Variants in DSCAM observed in about 807,000 individuals in gnomAD.
DSCAM encodes the protein cell adhesion molecule DSCAM.
A neutral mutation model predicts 217.7 loss-of-function variants in DSCAM; 47 were observed. That is an observed-to-expected ratio of 0.22 (90% CI 0.17 to 0.28). DSCAM has a LOEUF of 0.28. DSCAM is among the 10% of genes least tolerant of loss of function. DSCAM has a pLI of 1.00. For synonymous variants in DSCAM, 1,056 were observed against 1,015.3 expected, an observed-to-expected ratio of 1.04 and a Z score of -0.76; for missense variants, 2,080 against 2,618.3, an observed-to-expected ratio of 0.79 and a Z score of 4.49.
intron 20 of DSCAM, among the ~76,000 whole-genome samples, chr21:40,119,839 G>A (rs1023047046): frequency 2.6e-5 from 4 of 152,088 alleles, no homozygotes; most frequent in Admixed American, 2.0e-4. Context: ...TGAACACAGC[G>A]ATGAGTATCA....
intron 5 of DSCAM, among the ~76,000 whole-genome samples, chr21:40,351,200 T>C (rs957245016): frequency 1.3e-5 from 2 of 152,100 alleles, no homozygotes; most frequent in African/African-American, 4.8e-5. Context: ...CAGAGCTGAG[T>C]AACTGTGAGA....
rs1313771004 is a variant in DSCAM, at chr21:40,682,799, G to A, written c.508+10011C>T. Reference sequence around the variant, plus strand: ...GAGAGGGGAGGGGAGGGGAGGGAAGGGAAGGGAAGGGAAGGGAAGGGAAGG... The same window carrying A: ...GAGAGGGGAGGGGAGGGGAGGGAAGAGAAGGGAAGGGAAGGGAAGGGAAGG... On this transcript the variant is annotated intron_variant, in intron 3 of 32. Coordinates refer to ENST00000400454, the MANE Select transcript of DSCAM (RefSeq NM_001389.5). Among the ~76,000 whole-genome samples, 35 of 7,316 alleles carry A rather than the reference G, an allele frequency of 4.8e-3. 8 individuals carry two copies. The highest frequency in any genetic ancestry group is 0.012 in the South Asian group (1 of 82). The allele number at this position is 7,316 out of a possible 152,430, so 4.8% of individuals were successfully genotyped here.
At chr21:40,646,514 G>A (rs777530264) in intron 3 of DSCAM, among the ~76,000 whole-genome samples, 103 of 151,996 alleles carry the variant, frequency 6.8e-4, no homozygotes, top group Non-Finnish European at 1.2e-3. Flanking sequence ...GGAGTCCATC[G>A]TGTTGCCCAC....
intron 3 of DSCAM, among the ~76,000 whole-genome samples, chr21:40,550,554 C>T (rs1425061139): frequency 1.3e-5 from 2 of 152,154 alleles, no homozygotes; most frequent in African/African-American, 4.8e-5. Flanking sequence ...CTCAAAATTG[C>T]CACCAAGTGT....
chr21:40,063,947 ATGGG>A (rs914409528), intron 27 of DSCAM, among the ~76,000 whole-genome samples: 19 of 152,094 alleles, frequency 1.2e-4, no homozygotes, highest in African/African-American at 4.3e-4. Flanking sequence ...TTGTGCACAG[ATGGG>A]TTCAGCCTGG....
At chr21:40,541,777 T>A (rs2076544734) in intron 3 of DSCAM, among the ~76,000 whole-genome samples, 1 of 152,214 alleles carries the variant, frequency 6.6e-6, no homozygotes, top group Non-Finnish European at 1.5e-5. Flanking sequence ...AGTATATTGA[T>A]GTTTAGGAAG....
intron 20 of DSCAM, among the ~76,000 whole-genome samples, chr21:40,094,296 C>T (rs961744111): frequency 2.6e-5 from 4 of 152,154 alleles, no homozygotes; most frequent in African/African-American, 7.2e-5. Flanking sequence ...ACCCCACAAT[C>T]GCAGAGATTT....
chr21:40,516,918 C>CACATAT (rs2076304783), intron 3 of DSCAM, among the ~76,000 whole-genome samples: 1 of 148,174 alleles, frequency 6.7e-6, no homozygotes, highest in African/African-American at 2.5e-5. Context: ...CACACACACA[C>CACATAT]ATATACCTTA....
intron 9 of DSCAM, 62 bp from the exon 10 acceptor site, chr21:40,296,236 T>A: frequency 6.4e-7 from 1 of 1,562,588 alleles, no homozygotes; most frequent in Non-Finnish European, 8.7e-7. Flanking sequence ...AAAGGTATGA[T>A]TCTAAGAAAC....
At chr21:40,744,575 C>T (rs1270032124) in intron 1 of DSCAM, among the ~76,000 whole-genome samples, 2 of 152,136 alleles carry the variant, frequency 1.3e-5, no homozygotes, top group East Asian at 1.9e-4. Flanking sequence ...TTCCAGTGCT[C>T]ACTATAAGTG....
At chr21:40,360,515 C>T (rs2074750730) in intron 4 of DSCAM, among the ~76,000 whole-genome samples, 1 of 151,936 alleles carries the variant, frequency 6.6e-6, no homozygotes, top group South Asian at 2.1e-4. Context: ...GTATTTGTGT[C>T]CATGTGTGGT....
chr21:40,460,625 C>G (rs2075798567), intron 3 of DSCAM, among the ~76,000 whole-genome samples: 1 of 152,050 alleles, frequency 6.6e-6, no homozygotes, highest in Non-Finnish European at 1.5e-5. Context: ...AGAAAAAAAT[C>G]AACCACCCAA....
intron 28 of DSCAM, among the ~76,000 whole-genome samples, chr21:40,060,784 T>C (rs1601286303): frequency 6.6e-6 from 1 of 152,352 alleles, no homozygotes; most frequent in South Asian, 2.1e-4. Context: ...GACAATTTCT[T>C]TTATTAGGTA....
chr21:40,381,062 C>CAAAA lies in DSCAM; in HGVS notation c.509-11821_509-11818dup, dbSNP rs71186932. Among the ~76,000 whole-genome samples the CAAAA allele has an allele frequency of 1.6e-3, 107 of 65,896 alleles. 1 individual carries two copies. The highest frequency in any genetic ancestry group is 2.4e-3 in the East Asian group (4 of 1,676). The allele number at this position is 65,896 out of a possible 152,430, so 43.2% of individuals were successfully genotyped here. A position where few individuals can be genotyped will look rare whatever the true frequency, so the allele number is the denominator to read the frequency against. ...TGGGCGACAGAGCGAGACTCCGTCT[C>CAAAA]AAAAAAAAAAAAAAAAAAAAAAGAA... On this transcript the variant is annotated intron_variant, in intron 3 of 32. Transcript: ENST00000400454.
intron 20 of DSCAM, among the ~76,000 whole-genome samples, chr21:40,113,798 A>G (rs1202805814): frequency 1.4e-4 from 21 of 152,184 alleles, no homozygotes; most frequent in Non-Finnish European, 1.5e-5. Flanking sequence ...ATCATGACTG[A>G]ACTCCCATTT....
At position 40,516,906 on chromosome 21, in the gene DSCAM, T is replaced by TATATAC. The variant is rs1555849637; in HGVS notation, c.509-147662_509-147661insGTATAT. Among the ~76,000 whole-genome samples, 288 of 145,562 alleles carry TATATAC rather than the reference T, an allele frequency of 2.0e-3. 2 individuals are homozygous for TATATAC. The highest frequency in any genetic ancestry group is 0.011 in the Middle Eastern group (3 of 276). ...CACACACCATATATATATATATATA[T>TATATAC]ACACACACACACATATACCTTATAT... On this transcript the variant is annotated intron_variant, in intron 3 of 32. Coordinates refer to ENST00000400454, the MANE Select transcript of DSCAM (RefSeq NM_001389.5).
chr21:40,743,534 A>G (rs1382094244), intron 1 of DSCAM, among the ~76,000 whole-genome samples: 1 of 152,192 alleles, frequency 6.6e-6, no homozygotes, highest in African/African-American at 2.4e-5. Flanking sequence ...AACCTGCTAG[A>G]GATGTCGAAT....
chr21:40,305,019 G>A (rs531093158), intron 9 of DSCAM, among the ~76,000 whole-genome samples: 2 of 152,070 alleles, frequency 1.3e-5, no homozygotes, highest in Admixed American at 1.3e-4. Context: ...GGAAAAAATG[G>A]TCCCCATAGA....
At chr21:40,615,004 G>A (rs974363927) in intron 3 of DSCAM, among the ~76,000 whole-genome samples, 2 of 151,320 alleles carry the variant, frequency 1.3e-5, no homozygotes, top group Admixed American at 6.6e-5. Flanking sequence ...ACACACACAC[G>A]TTTTAAAAGT....
Sources: gnomAD v4.1 joint callset for allele counts (sites outside exome capture counted in the v4.1 genomes callset) on GRCh38, gnomAD v4.1.1 for gene constraint, MANE v1.5 for transcripts, NCBI Gene and HGNC (gene_info 2026-07-23, HGNC 2026-07-21) for gene names.